Variants in ATRIP observed in about 807,000 individuals in gnomAD.
ATRIP encodes the protein ATR-interacting protein.
Under a neutral mutation model 78.1 loss-of-function variants are expected in ATRIP, and 44 were observed. That is an observed-to-expected ratio of 0.56 (90% confidence interval 0.44 to 0.72). The LOEUF is 0.72. Ranked by LOEUF, ATRIP falls within the 30% of genes least tolerant of loss-of-function variation. ATRIP has a pLI of 0.00. For synonymous variants in ATRIP, 388 were observed against 408.9 expected, an observed-to-expected ratio of 0.95 and a Z score of 0.62; for missense variants, 927 against 980.2, an observed-to-expected ratio of 0.95 and a Z score of 0.72.
intron 2 of ATRIP, among the ~76,000 whole-genome samples, chr3:48,451,524 T>G (rs1015222652): frequency 6.6e-6 from 1 of 152,196 alleles, no homozygotes; most frequent in Non-Finnish European, 1.5e-5. Context: ...GGCAAGTGTA[T>G]GCTTAAGCTA....
rs1448718323 is a variant in ATRIP at position 48,466,282 on chromosome 3, A to C, written c.*728A>C. ...CCGCGGGAGAGTGTGCAGCCGAGTC[A>C]CTACTGCCTGCCTGCCTGCCTGCTA... On this transcript the variant is annotated 3_prime_UTR_variant, in exon 13 of 13. Coordinates refer to ENST00000320211, the MANE Select transcript of ATRIP (RefSeq NM_130384.3). 5 of 661,834 alleles carry C rather than the reference A, an allele frequency of 7.6e-6. No homozygotes were observed. The East Asian group carries it at 1.4e-4, about 18-fold the overall frequency. The allele number at this position is 661,834 out of a possible 1,614,324, so 41.0% of individuals were successfully genotyped here.
At position 48,464,251 on chromosome 3, in the gene ATRIP, GA is replaced by G. The variant is rs1330305563; in HGVS notation, c.1974+120del. On this transcript the variant is annotated intron_variant, in intron 10 of 12. Coordinates refer to ENST00000320211, the MANE Select transcript of ATRIP (RefSeq NM_130384.3). ...TTAATTCATTTTAGTAACAAGAGTT[GA>G]TAAAGCAACTAAAGAGGTAAACTCA... is the stretch of plus-strand genomic sequence containing the variant. The G allele has an allele frequency of 6.2e-5, 60 of 963,582 alleles. No homozygotes were observed. The South Asian group carries it at 7.9e-4, about 13-fold the overall frequency. 59.7% of individuals were successfully genotyped at this position (963,582 alleles called of 1,614,324 possible).
Position 48,454,330 on chromosome 3 carries a change from A to G in ATRIP, c.583A>G (p.Lys195Glu). Residue 195 changes from lysine (K) to glutamate (E), a missense_variant, in exon 4 of 13, where the codon AAA becomes GAA. Lys to Glu is a moderately conservative substitution (Grantham distance 56). Coordinates refer to ENST00000320211, the MANE Select transcript of ATRIP (RefSeq NM_130384.3). ...ATCATTGCAGTCTGAACTCCAGTTT[A>G]AAGATGCAGAGATGAATGAATTAAG... ...LQSLQSELQF[K>E]DAEMNELRTK... 6.2e-7 allele frequency: 1 copy of G among 1,613,320 alleles called. No homozygotes were observed.
At chr3:48,448,329 G>A (rs1013262921) in intron 1 of ATRIP, among the ~76,000 whole-genome samples, 8 of 151,986 alleles carry the variant, frequency 5.3e-5, no homozygotes, top group Admixed American at 6.6e-5. Flanking sequence ...ACTTGTGCCC[G>A]CCACCATGCC....
At chr3:48,465,226 CCTGCCTCAGTTCTT>C in intron 12 of ATRIP, 143 bp downstream of exon 12, 1 of 1,173,206 alleles carries the variant, frequency 8.5e-7, no homozygotes, top group Non-Finnish European at 1.2e-6. Context: ...CTTTTATCTT[CCTGCCTCAGTTCTT>C]CTCCAAGCAT....
chr3:48,453,349 G>A (rs369260398), intron 3 of ATRIP, among the ~76,000 whole-genome samples: 1 of 152,146 alleles, frequency 6.6e-6, no homozygotes, highest in African/African-American at 2.4e-5. Flanking sequence ...GCACTTACCT[G>A]TGCCCATCAT....
intron 5 of ATRIP, among the ~76,000 whole-genome samples, chr3:48,458,913 G>A (rs931611816): frequency 1.3e-5 from 2 of 152,236 alleles, no homozygotes; most frequent in African/African-American, 2.4e-5. Flanking sequence ...TAGCCTGGAT[G>A]TGAGTCCCAG....
Position 48,460,336 on chromosome 3 carries a change from G to A in ATRIP, c.1282G>A (p.Gly428Ser), listed in dbSNP as rs575582896. 4.3e-6 allele frequency: 7 copies of A among 1,613,340 alleles called. No individual in the cohort carries two copies. In the African/African-American group the frequency reaches 5.3e-5, roughly 12 times the overall value. ...CCTCCCCCTTGTACAGTTCTTCATC[G>A]GCTTACACTGCCAGGCCCTGCAGGA... Reference protein sequence around the residue: ...HFLPLVQFFIGLHCQALQDLA... With the variant: ...HFLPLVQFFISLHCQALQDLA... Residue 428 changes from glycine to serine, a missense_variant, in exon 8 of 13, where the codon GGC becomes AGC. Physicochemically the swap from Gly to Ser is moderately conservative, Grantham distance 56. Transcript: ENST00000320211.
In ATRIP at chr3:48,466,626, C is replaced by A; in HGVS notation, c.*1072C>A. On this transcript the variant is annotated 3_prime_UTR_variant, in exon 13 of 13. Transcript: ENST00000320211. ...TCACACACCCACCCCATGCTCCTCTCCAGGCTCAGCAGCAGGTACGTACCC... is the reference window on the plus strand; with the variant it reads ...TCACACACCCACCCCATGCTCCTCTACAGGCTCAGCAGCAGGTACGTACCC... The A allele has an allele frequency of 1.9e-6, 3 of 1,614,072 alleles. No homozygotes were observed. The highest frequency in any genetic ancestry group is 2.5e-6 in the Non-Finnish European group (3 of 1,179,996).
Position 48,460,095 on chromosome 3 carries a change from T to G in ATRIP, c.1056-15T>G, listed in dbSNP as rs1449520444. 1 of 1,597,372 alleles carries G rather than the reference T, an allele frequency of 6.3e-7. No homozygotes were observed. Among genetic ancestry groups the G allele is most frequent in the East Asian group, 2.2e-5 (1 of 44,724 alleles). On this transcript the variant is annotated splice_polypyrimidine_tract_variant and intron_variant, in intron 7 of 12. Coordinates refer to ENST00000320211, the MANE Select transcript of ATRIP (RefSeq NM_130384.3). ...ATCCCACACTTAATCTATTTTTCTT[T>G]GTGTTTGTTGCCAGTACCTTGGCTG...
At position 48,467,637 on chromosome 3, in the gene ATRIP, T is replaced by C. The variant is rs3135946; in HGVS notation, c.*2083T>C. ...AAATCTGACGAATAAAGACCCCCGC[T>C]GCCCCATAGCACTGAGTGGTCAATT... On this transcript the variant is annotated 3_prime_UTR_variant, in exon 13 of 13. Transcript: ENST00000320211. The C allele has an allele frequency of 7.8e-3, 12,414 of 1,595,078 alleles. 620 individuals are homozygous for C. The African/African-American group carries it at 0.12, about 16-fold the overall frequency.
rs1177028457 is a variant in ATRIP, at chr3:48,467,152, G to C, written c.*1598G>C. ...GCGCTGAAGGCCCTGGAGCGAGCAA[G>C]CAGCCCCTCAGAACACGGCCCAAGG... On this transcript the variant is annotated 3_prime_UTR_variant, in exon 13 of 13. Coordinates refer to ENST00000320211, the MANE Select transcript of ATRIP (RefSeq NM_130384.3). 1 of 1,614,024 alleles carries C rather than the reference G, an allele frequency of 6.2e-7. No homozygotes were observed.
At position 48,466,897 on chromosome 3, in the gene ATRIP, C is replaced by T; in HGVS notation, c.*1343C>T. ...CCGGGGAAGGCCTGCAGCCCTGCAG[C>T]CAGCGAGATCACAGGTCTGAGCACA... On this transcript the variant is annotated 3_prime_UTR_variant, in exon 13 of 13. Coordinates refer to ENST00000320211, the MANE Select transcript of ATRIP (RefSeq NM_130384.3). 1 of 1,612,230 alleles carries T rather than the reference C, an allele frequency of 6.2e-7. No individual in the cohort carries two copies. Among genetic ancestry groups the T allele is most frequent in the Non-Finnish European group, 8.5e-7 (1 of 1,180,020 alleles).
Position 48,465,051 on chromosome 3 carries a change from TC to T in ATRIP, c.2278del (p.Arg760GlufsTer6). 6.2e-7 allele frequency: 1 copy of T among 1,612,954 alleles called. No homozygotes were observed. Among genetic ancestry groups the T allele is most frequent in the Non-Finnish European group, 8.5e-7 (1 of 1,179,290 alleles). The stretch of plus-strand genomic sequence containing the variant: ...GTGATGCCGGGGGTCAGCATGCTCA[TC>T]CGAGGGCTTCCTGATGTGACGGACT... ...DQVMPGVSML[I>X]RGLPDVTDCE... On this transcript the variant is annotated frameshift_variant, in exon 12 of 13. Transcript: ENST00000320211. LOFTEE classifies it high-confidence loss of function.
At chr3:48,464,197 C>T (rs2040202071) in intron 10 of ATRIP, 65 bp downstream of exon 10, 1 of 1,367,494 alleles carries the variant, frequency 7.3e-7, no homozygotes, top group East Asian at 2.3e-5. Context: ...ACAGAATCTC[C>T]TTTCTTTCCG....
chr3:48,446,812 C>A lies in ATRIP; in HGVS notation c.-34C>A. The stretch of plus-strand genomic sequence containing the variant: ...GGCCTGGCGGCAGGCAAGTCTAGCT[C>A]GGCGCTGTCGGATACTTGGGGTGAG... On this transcript the variant is annotated 5_prime_UTR_variant, in exon 1 of 13. Transcript: ENST00000320211. 1.5e-6 allele frequency: 2 copies of A among 1,378,548 alleles called. No homozygotes were observed. Among genetic ancestry groups the A allele is most frequent in the Non-Finnish European group, 1.9e-6 (2 of 1,065,016 alleles). The allele number at this position is 1,378,548 out of a possible 1,614,324, so 85.4% of individuals were successfully genotyped here.
rs1005935582 is a variant in ATRIP at position 48,467,377 on chromosome 3, C to T, written c.*1823C>T. On this transcript the variant is annotated 3_prime_UTR_variant, in exon 13 of 13. Transcript: ENST00000320211. ...TATGGGGTCACAGCCTCTGCTAGGACCAAGCCAAGACCATCTGCTGTCACA... is the reference window on the plus strand; with the variant it reads ...TATGGGGTCACAGCCTCTGCTAGGATCAAGCCAAGACCATCTGCTGTCACA... 1 of 1,614,192 alleles carries T rather than the reference C, an allele frequency of 6.2e-7. No individual in the cohort carries two copies. Among genetic ancestry groups the T allele is most frequent in the Non-Finnish European group, 8.5e-7 (1 of 1,180,028 alleles).
chr3:48,457,996 G>T (rs2039998705), intron 5 of ATRIP, among the ~76,000 whole-genome samples: 1 of 151,426 alleles, frequency 6.6e-6, no homozygotes. Context: ...TTAGCATTAG[G>T]TATATCTCCT....
intron 6 of ATRIP, 152 bp downstream of exon 6, chr3:48,459,606 A>C (rs1174351537): frequency 8.8e-7 from 1 of 1,138,972 alleles, no homozygotes; most frequent in African/African-American, 1.6e-5. Context: ...AGACTTTATA[A>C]AGTGGAAAGG....
Sources: allele counts gnomAD v4.1 joint callset (sites outside exome capture counted in the v4.1 genomes callset), GRCh38; gene constraint gnomAD v4.1.1; transcripts MANE v1.5; gene names NCBI Gene and HGNC (gene_info 2026-07-23, HGNC 2026-07-21).